The following COG8 variants were observed in gnomAD, a reference collection of about 807,000 sequenced individuals.
COG8 encodes the protein component of oligomeric golgi complex 8.
COG8 carries 45 observed loss-of-function variants against 46.5 expected under a neutral mutation model. The ratio of observed to expected loss-of-function variants is 0.97; its 90% CI spans 0.76 to 1.24. The LOEUF (loss-of-function observed/expected upper bound fraction) is 1.24, where lower values mean the gene tolerates loss of function less well. COG8 is among the 50% of genes most tolerant of loss of function. COG8 has a pLI of 0.00. For missense variants in COG8, 793 were observed against 820.8 expected, an observed-to-expected ratio of 0.97 and a Z score of 0.41; for synonymous variants, 407 against 347.8, an observed-to-expected ratio of 1.17 and a Z score of -1.90.
chr16:69,337,452 A>C (rs923368147), intron 1 of COG8, among the ~76,000 whole-genome samples: 3 of 152,240 alleles, frequency 2.0e-5, no homozygotes, highest in Admixed American at 6.5e-5. Flanking sequence ...CATTATTTTC[A>C]AAATGAAGCA....
chr16:69,338,782 G>C (rs959742625), intron 1 of COG8, among the ~76,000 whole-genome samples: 1 of 152,240 alleles, frequency 6.6e-6, no homozygotes, highest in Non-Finnish European at 1.5e-5. Flanking sequence ...GACATCAAAA[G>C]ATCGAGACCA....
chr16:69,329,292 G>C, intron 5 of COG8, 113 bp from the exon 6 acceptor site: 1 of 1,131,620 alleles, frequency 8.8e-7, no homozygotes, highest in Admixed American at 3.5e-5. Flanking sequence ...GGCAACAGCA[G>C]ATGGCAAATG....
At chr16:69,338,908 T>C (rs2012363633) in intron 1 of COG8, among the ~76,000 whole-genome samples, 1 of 152,156 alleles carries the variant, frequency 6.6e-6, no homozygotes, top group Non-Finnish European at 1.5e-5. Flanking sequence ...GAGAATCGCT[T>C]GAACCCAGGA....
intron 1 of COG8, among the ~76,000 whole-genome samples, chr16:69,337,549 C>T (rs2012274723): frequency 6.6e-6 from 1 of 152,208 alleles, no homozygotes; most frequent in South Asian, 2.1e-4. Flanking sequence ...CCACAGTCTA[C>T]TTTCAACACT....
chr16:69,336,921 A>G (rs1476366930), intron 1 of COG8, among the ~76,000 whole-genome samples: 1 of 152,204 alleles, frequency 6.6e-6, no homozygotes, highest in Non-Finnish European at 1.5e-5. Context: ...CAATTAATAA[A>G]TCTAACAGAT....
intron 5 of COG8, 96 bp downstream of exon 5, chr16:69,330,717 C>T (rs1187944474): frequency 3.0e-5 from 42 of 1,414,468 alleles, no homozygotes; most frequent in Admixed American, 5.7e-5. Flanking sequence ...CCCCCTTCCG[C>T]TCTCCTCCCG....
At position 69,329,193 on chromosome 16, in the gene COG8, T is replaced by C; in HGVS notation, c.*27-14A>G. On this transcript the variant is annotated splice_polypyrimidine_tract_variant and intron_variant, in intron 5 of 5. Transcript: ENST00000306875. ...TGGGGTCCAGCCCTGCAAAGGAAGT[T>C]ACAGCCCTGGTGAGTGGGAACAGCT... is the stretch of plus-strand genomic sequence containing the variant. 3 of 1,582,454 alleles carry C rather than the reference T, an allele frequency of 1.9e-6. No homozygotes were observed. The highest frequency in any genetic ancestry group is 2.6e-6 in the Non-Finnish European group (3 of 1,168,712).
At chr16:69,339,143 T>C (rs929924379) in intron 1 of COG8, 33 bp downstream of exon 1, 2 of 1,612,662 alleles carry the variant, frequency 1.2e-6, no homozygotes, top group African/African-American at 1.3e-5. Flanking sequence ...CTTTTACAGT[T>C]ATAAAACCCC....
Position 69,328,854 on chromosome 16 carries a change from G to T in COG8, c.*352C>A. The stretch of plus-strand genomic sequence containing the variant: ...AACATTTTGTCCGTAACTGATTTCA[G>T]GGCAAACATTTCTGACATCTTCCTC... On this transcript the variant is annotated 3_prime_UTR_variant, in exon 6 of 6. Coordinates refer to ENST00000306875, the MANE Select transcript of COG8 (RefSeq NM_032382.5). 1 of 902,014 alleles carries T rather than the reference G, an allele frequency of 1.1e-6. No individual in the cohort carries two copies. The highest frequency in any genetic ancestry group is 2.7e-5 in the East Asian group (1 of 36,544). 55.9% of individuals were successfully genotyped at this position (902,014 alleles called of 1,614,324 possible).
intron 1 of COG8, 97 bp downstream of exon 1, chr16:69,339,079 T>C: frequency 6.4e-7 from 1 of 1,554,260 alleles, no homozygotes. Context: ...GCAGAGAACC[T>C]GGAACGTGGT....
intron 3 of COG8, among the ~76,000 whole-genome samples, chr16:69,333,312 G>A (rs955843872): frequency 2.0e-5 from 3 of 152,038 alleles, no homozygotes; most frequent in Admixed American, 1.3e-4. Flanking sequence ...GACTACAGGC[G>A]TGCACCATCA....
chr16:69,330,299 TCGGGCCCGCCTAGCTGCGCCCGCTCCAC>T (rs1196269231), intron 5 of COG8: 12 of 1,432,212 alleles, frequency 8.4e-6, no homozygotes, highest in South Asian at 7.1e-5. Flanking sequence ...CCGCTGCAGC[TCGGGCCCGCCTAGCTGCGCCCGCTCCAC>T]CGGGGCCGCC....
intron 1 of COG8, among the ~76,000 whole-genome samples, chr16:69,337,629 C>T (rs1426709492): frequency 6.6e-6 from 1 of 152,160 alleles, no homozygotes; most frequent in Non-Finnish European, 1.5e-5. Context: ...GGTACAAAAG[C>T]TGCTGTCAAA....
chr16:69,330,621 GGC>G, intron 5 of COG8, 190 bp downstream of exon 5: 2 of 1,409,472 alleles, frequency 1.4e-6, no homozygotes, highest in Non-Finnish European at 1.8e-6. Flanking sequence ...CGCAGCGCGG[GGC>G]ACGCCGGGAA....
At position 69,330,354 on chromosome 16, in the gene COG8, G is replaced by C. The variant is rs1046093512; in HGVS notation, c.*26+459C>G. ...GGGGCCGCCACGCCGCGCAGCACCG[G>C]GTCCCCGACTTGGCACACGTGCGAG... is the stretch of plus-strand genomic sequence containing the variant. On this transcript the variant is annotated intron_variant, in intron 5 of 5. Transcript: ENST00000306875. The C allele has an allele frequency of 3.4e-6, 5 of 1,474,884 alleles. No individual in the cohort carries two copies. In the African/African-American group the frequency reaches 4.4e-5, roughly 13 times the overall value. The allele number at this position is 1,474,884 out of a possible 1,614,324, so 91.4% of individuals were successfully genotyped here.
chr16:69,329,297 C>T, intron 5 of COG8, 118 bp from the exon 6 acceptor site: 2 of 1,045,806 alleles, frequency 1.9e-6, no homozygotes, highest in East Asian at 6.0e-5. Flanking sequence ...CAGCAGATGG[C>T]AAATGTAGAC....
chr16:69,337,567 AT>A lies in COG8; in HGVS notation c.378-856del, dbSNP rs1448055542. ...CAGTCTACTTTCAACACTTCTCCAT[AT>A]TTGCAGAGACCTGCTTTATCAAGTC... On this transcript the variant is annotated intron_variant, in intron 1 of 5. Coordinates refer to ENST00000306875, the MANE Select transcript of COG8 (RefSeq NM_032382.5). Among the ~76,000 whole-genome samples the A allele has an allele frequency of 2.6e-5, 4 of 152,260 alleles. No individual in the cohort carries two copies. The East Asian group carries it at 7.7e-4, about 29-fold the overall frequency.
rs894403499 is a variant in COG8, at chr16:69,327,267, G to C, written c.*1939C>G. 2 of 143,650 alleles carry C rather than the reference G, an allele frequency of 1.4e-5. No homozygotes were observed. Among genetic ancestry groups the C allele is most frequent in the African/African-American group, 5.2e-5 (2 of 38,748 alleles). 8.9% of individuals were successfully genotyped at this position (143,650 alleles called of 1,614,324 possible). Reference sequence around the variant, plus strand: ...ACTGCAACCTCTGCCTCCCAGGTTTGAGCGATTCTCCCGCCTCAGCCTCCC... The same window carrying C: ...ACTGCAACCTCTGCCTCCCAGGTTTCAGCGATTCTCCCGCCTCAGCCTCCC... On this transcript the variant is annotated 3_prime_UTR_variant, in exon 6 of 6. Transcript: ENST00000306875.
chr16:69,334,647 G>A lies in COG8; in HGVS notation c.1287C>T (p.Leu429=). The part of the protein sequence containing the change: ...QPGTLQPPMV[L]LDFPPLACFL... Reference sequence around the variant, plus strand: ...AGCAGGCGAGGGGTGGGAAATCTAGGAGCACCATGGGTGGCTGCAGCGTCC... The same window carrying A: ...AGCAGGCGAGGGGTGGGAAATCTAGAAGCACCATGGGTGGCTGCAGCGTCC... Residue 429 remains leucine (L), a synonymous_variant, in exon 3 of 6, where the codon CTC becomes CTT. Coordinates refer to ENST00000306875, the MANE Select transcript of COG8 (RefSeq NM_032382.5). 1 of 1,614,186 alleles carries A rather than the reference G, an allele frequency of 6.2e-7. No homozygotes were observed. The highest frequency in any genetic ancestry group is 8.5e-7 in the Non-Finnish European group (1 of 1,180,032).
Sources: allele counts gnomAD v4.1 joint callset (sites outside exome capture counted in the v4.1 genomes callset), GRCh38; gene constraint gnomAD v4.1.1; transcripts MANE v1.5; gene names NCBI Gene and HGNC (gene_info 2026-07-23, HGNC 2026-07-21).